The following GALNS variants were observed in gnomAD, a reference collection of about 807,000 sequenced individuals.
The protein encoded by GALNS is galactosamine (N-acetyl)-6-sulfatase, also known as N-acetylgalactosamine-6-sulfatase.
GALNS carries 65 observed loss-of-function variants against 65.9 expected under a neutral mutation model. That is an observed-to-expected ratio of 0.99 (90% CI 0.81 to 1.21). The LOEUF is 1.21. Among genes scored for constraint, GALNS ranks in the 50% most tolerant of loss-of-function variants. GALNS has a pLI of 0.00. For missense variants in GALNS, 776 were observed against 700.7 expected (o/e 1.11, Z -1.21); for synonymous variants, 346 against 288.9 (o/e 1.20, Z -2.00).
chr16:88,841,264 A>C (rs112290897), intron 3 of GALNS, among the ~76,000 whole-genome samples, 170 bp from the exon 4 acceptor site: 6 of 152,150 alleles, frequency 3.9e-5, no homozygotes, highest in African/African-American at 7.2e-5. Context: ...GCACTTCCCA[A>C]GATTTTTCCA....
At chr16:88,827,786 G>A (rs1272701869) in intron 9 of GALNS, among the ~76,000 whole-genome samples, 3 of 152,148 alleles carry the variant, frequency 2.0e-5, no homozygotes, top group African/African-American at 7.2e-5. Flanking sequence ...GTCACTCGAC[G>A]GGGAGACTGG....
At chr16:88,842,196 G>T (rs560798715) in intron 2 of GALNS, 1 of 639,840 alleles carries the variant, frequency 1.6e-6, no homozygotes, top group African/African-American at 1.8e-5. Flanking sequence ...CTGCAGCTCA[G>T]CGTTGTCCCC....
rs762213500 is a variant in GALNS, at chr16:88,841,805, C to T, written c.319+92G>A. ...CCAGCGGTACCCCACCTGCAGCTTG[C>T]CACCCGAGTCCCGGAGACACGGGCA... On this transcript the variant is annotated intron_variant, in intron 3 of 13. Transcript: ENST00000268695. 26 of 1,157,256 alleles carry T rather than the reference C, an allele frequency of 2.2e-5. 1 individual carries two copies. The Admixed American group carries it at 3.9e-4, about 18-fold the overall frequency. 71.7% of individuals were successfully genotyped at this position (1,157,256 alleles called of 1,614,324 possible).
chr16:88,818,521 C>T (rs1476739096), intron 12 of GALNS, among the ~76,000 whole-genome samples: 3 of 151,984 alleles, frequency 2.0e-5, no homozygotes, highest in Non-Finnish European at 4.4e-5. Context: ...ATTACAAAAG[C>T]AACGTCATCC....
At position 88,848,841 on chromosome 16, in the gene GALNS, C is replaced by T. The variant is rs565503721; in HGVS notation, c.121-6012G>A. Among the ~76,000 whole-genome samples the T allele has an allele frequency of 3.9e-5, 6 of 152,334 alleles. No homozygotes were observed. In the South Asian group the frequency reaches 6.2e-4, roughly 16 times the overall value. On this transcript the variant is annotated intron_variant, in intron 1 of 13. Coordinates refer to ENST00000268695, the MANE Select transcript of GALNS (RefSeq NM_000512.5). ...CGGGGACCGCGGGAGGACAGTGGGC[C>T]GCTCTGGGCGCACGTGGGTGGCTGG...
At chr16:88,821,742 C>T (rs910623185) in intron 12 of GALNS, among the ~76,000 whole-genome samples, 4 of 152,194 alleles carry the variant, frequency 2.6e-5, no homozygotes, top group South Asian at 4.1e-4. Flanking sequence ...CCAGGCCCAT[C>T]GGGGAGCATA....
intron 13 of GALNS, chr16:88,817,120 G>A: frequency 1.0e-6 from 1 of 985,476 alleles, no homozygotes; most frequent in Non-Finnish European, 1.2e-6. Flanking sequence ...CTGGGAAACA[G>A]GCCTTTGCGG....
chr16:88,836,011 C>T (rs1030599463), intron 6 of GALNS, among the ~76,000 whole-genome samples, 162 bp from the exon 7 acceptor site: 3 of 150,410 alleles, frequency 2.0e-5, no homozygotes, highest in Non-Finnish European at 4.4e-5. Flanking sequence ...CCACGCGTCC[C>T]ACGGGGCGAG....
intron 11 of GALNS, among the ~76,000 whole-genome samples, chr16:88,824,169 G>A (rs1309630366): frequency 6.6e-6 from 1 of 152,148 alleles, no homozygotes; most frequent in Non-Finnish European, 1.5e-5. Flanking sequence ...GGCTGAGAGA[G>A]ACCTCTCAGG....
chr16:88,835,941 G>A (rs1191270418), intron 6 of GALNS, 92 bp from the exon 7 acceptor site: 5 of 1,592,244 alleles, frequency 3.1e-6, no homozygotes, highest in East Asian at 4.6e-5. Context: ...CACGGGGCGA[G>A]GTTGGTGCGG....
At chr16:88,854,098 G>A (rs775397905) in intron 1 of GALNS, among the ~76,000 whole-genome samples, 1 of 152,224 alleles carries the variant, frequency 6.6e-6, no homozygotes, top group African/African-American at 2.4e-5. Flanking sequence ...GACTGGGCTG[G>A]AGGCAGCCGG....
chr16:88,816,993 A>C, intron 13 of GALNS: 1 of 985,408 alleles, frequency 1.0e-6, no homozygotes, highest in Middle Eastern at 5.2e-4. Context: ...CTGGGCACCC[A>C]GGAGCGACAC....
chr16:88,822,625 T>C lies in GALNS; in HGVS notation c.1328A>G (p.His443Arg). 1 of 1,612,888 alleles carries C rather than the reference T, an allele frequency of 6.2e-7. No individual in the cohort carries two copies. Among genetic ancestry groups the C allele is most frequent in the Non-Finnish European group, 8.5e-7 (1 of 1,179,822 alleles). The change falls in exon 12 of 14, where the codon CAC becomes CGC. Residue 443 changes from histidine (H) to arginine (R), a missense_variant. His to Arg is a conservative substitution (Grantham distance 29). Transcript: ENST00000268695. ...EDHTKLPLIF[H>R]LGRDPGERFP... The stretch of plus-strand genomic sequence containing the variant: ...CCTCTCCCCTGGGTCCCGTCCCAGG[T>C]GGAAGATCAGGGGCAGCTTCGTGTG...
chr16:88,819,850 C>T (rs945341033), intron 12 of GALNS, among the ~76,000 whole-genome samples: 4 of 152,016 alleles, frequency 2.6e-5, no homozygotes, highest in Admixed American at 1.3e-4. Context: ...CCCGCCACCA[C>T]GCCTGGCTAA....
chr16:88,849,772 T>C (rs563118248), intron 1 of GALNS, among the ~76,000 whole-genome samples: 4 of 152,184 alleles, frequency 2.6e-5, no homozygotes, highest in African/African-American at 7.2e-5. Context: ...CTGAGGACAA[T>C]GGAGGCTGGA....
intron 1 of GALNS, among the ~76,000 whole-genome samples, chr16:88,850,655 G>A (rs1457264829): frequency 1.3e-5 from 2 of 152,142 alleles, no homozygotes; most frequent in Non-Finnish European, 2.9e-5. Context: ...AGCCAGGGGA[G>A]AAGGTGCGGG....
chr16:88,824,132 C>T (rs189871723), intron 11 of GALNS, among the ~76,000 whole-genome samples: 192 of 152,202 alleles, frequency 1.3e-3, no homozygotes, highest in African/African-American at 4.4e-3. Context: ...GTTCATATCT[C>T]AAGACTTTGA....
chr16:88,829,434 G>T (rs1367567417), intron 9 of GALNS, among the ~76,000 whole-genome samples: 2 of 152,262 alleles, frequency 1.3e-5, no homozygotes, highest in Non-Finnish European at 2.9e-5. Flanking sequence ...TTCACACGGA[G>T]CCGCAGCTGC....
intron 1 of GALNS, among the ~76,000 whole-genome samples, chr16:88,851,912 C>T (rs1402897194): frequency 6.6e-6 from 1 of 152,250 alleles, no homozygotes; most frequent in African/African-American, 2.4e-5. Context: ...CCTCTGTAGA[C>T]CCCACCTCTA....
Sources: gnomAD v4.1 joint callset for allele counts (sites outside exome capture counted in the v4.1 genomes callset) on GRCh38, gnomAD v4.1.1 for gene constraint, MANE v1.5 for transcripts, NCBI Gene and HGNC (gene_info 2026-07-23, HGNC 2026-07-21) for gene names.